The following ADGRV1 variants were observed in gnomAD, a reference collection of about 807,000 sequenced individuals.
ADGRV1 encodes adhesion G protein-coupled receptor V1, also known as G-protein coupled receptor 98.
ADGRV1 carries 359 observed loss-of-function variants against 596.2 expected under a neutral mutation model. The observed-to-expected ratio is 0.60, with a 90% CI of 0.55 to 0.66. The LOEUF is 0.66. Among genes scored for constraint, ADGRV1 ranks in the 30% least tolerant of loss-of-function variants. ADGRV1 has a pLI of 0.00. For synonymous variants in ADGRV1, 2,681 were observed against 2,679.2 expected, an observed-to-expected ratio of 1.00 and a Z score of -0.02; for missense variants, 7,274 against 7,575.6, an observed-to-expected ratio of 0.96 and a Z score of 1.48.
intron 83 of ADGRV1, among the ~76,000 whole-genome samples, chr5:90,945,767 C>G (rs1039144673): frequency 2.5e-4 from 38 of 152,126 alleles, no homozygotes; most frequent in African/African-American, 8.9e-4. Context: ...AGATAGATCA[C>G]TTGAGCCCAG....
At chr5:90,971,116 T>C (rs1778933109) in intron 84 of ADGRV1, among the ~76,000 whole-genome samples, 2 of 151,974 alleles carry the variant, frequency 1.3e-5, no homozygotes, top group Non-Finnish European at 1.5e-5. Context: ...TGATGGAAGA[T>C]GAAATGAATG....
intron 84 of ADGRV1, among the ~76,000 whole-genome samples, chr5:90,984,087 A>G (rs893676853): frequency 2.6e-5 from 4 of 152,220 alleles, no homozygotes; most frequent in Admixed American, 2.6e-4. Context: ...TACATGTAAC[A>G]TCTCATTTAA....
rs149781112 is a variant in ADGRV1 at position 90,990,094 on chromosome 5, A to G, written c.18152+4572A>G. 2.7e-3 allele frequency among the ~76,000 whole-genome samples: 413 copies of G among 152,328 alleles called. 20 individuals carry two copies. The East Asian group carries it at 0.068, about 25-fold the overall frequency. ...CGGCCTCCCAAAGCGCTGGGATTAC[A>G]GGCGTGAGCCACTGCGCCCAGCCAT... On this transcript the variant is annotated intron_variant, in intron 85 of 89. Coordinates refer to ENST00000405460, the MANE Select transcript of ADGRV1 (RefSeq NM_032119.4).
intron 87 of ADGRV1, among the ~76,000 whole-genome samples, chr5:91,125,945 C>G (rs1182836230): frequency 1.3e-5 from 2 of 152,134 alleles, no homozygotes; most frequent in African/African-American, 4.8e-5. Flanking sequence ...TGTTTCAAAC[C>G]TTACCTTTCT....
intron 85 of ADGRV1, among the ~76,000 whole-genome samples, chr5:91,054,069 G>A (rs1405362202): frequency 7.5e-6 from 1 of 132,964 alleles, no homozygotes; most frequent in South Asian, 2.5e-4. Flanking sequence ...CTCTGTGTGT[G>A]TTTGTGTGTG....
intron 85 of ADGRV1, among the ~76,000 whole-genome samples, chr5:91,019,339 A>C (rs1324210287): frequency 2.6e-5 from 4 of 152,044 alleles, no homozygotes; most frequent in Admixed American, 2.0e-4. Context: ...GGAAAGTAGC[A>C]GTGGGCTTTT....
At chr5:90,701,951 T>C (rs952765477) in intron 34 of ADGRV1, among the ~76,000 whole-genome samples, 13 of 150,146 alleles carry the variant, frequency 8.7e-5, no homozygotes, top group African/African-American at 2.9e-4. Flanking sequence ...AGTACTTCAT[T>C]AAACTTCCAT....
At chr5:90,579,128 TA>T (rs1265326778) in intron 1 of ADGRV1, among the ~76,000 whole-genome samples, 3 of 152,224 alleles carry the variant, frequency 2.0e-5, no homozygotes, top group Non-Finnish European at 4.4e-5. Flanking sequence ...TGATCTTAGT[TA>T]TTTCTTGCCT....
intron 75 of ADGRV1, among the ~76,000 whole-genome samples, chr5:90,821,520 T>C (rs1763503194): frequency 1.3e-5 from 2 of 151,114 alleles, no homozygotes; most frequent in South Asian, 4.2e-4. Flanking sequence ...AGTTTTTCTG[T>C]TCTGTTTTTT....
intron 1 of ADGRV1, among the ~76,000 whole-genome samples, chr5:90,596,918 C>G (rs530584283): frequency 1.3e-5 from 2 of 152,228 alleles, no homozygotes; most frequent in African/African-American, 2.4e-5. Flanking sequence ...AAACACACTT[C>G]TTAAAACAAA....
At chr5:91,077,125 C>G (rs1788928799) in intron 86 of ADGRV1, among the ~76,000 whole-genome samples, 1 of 152,134 alleles carries the variant, frequency 6.6e-6, no homozygotes, top group African/African-American at 2.4e-5. Flanking sequence ...ACTGTATATA[C>G]AGAATAGCCA....
chr5:90,887,065 A>G lies in ADGRV1; in HGVS notation c.17856+23208A>G, dbSNP rs114036792. On this transcript the variant is annotated intron_variant, in intron 83 of 89. Coordinates refer to ENST00000405460, the MANE Select transcript of ADGRV1 (RefSeq NM_032119.4). ...TTTAAAGATGTCATGCGTGTCCTCT[A>G]TTGATACCCTTTTACAGCTTTCCAC... 3.3e-3 allele frequency among the ~76,000 whole-genome samples: 497 copies of G among 152,234 alleles called. 3 individuals are homozygous for G. Among genetic ancestry groups the G allele is most frequent in the African/African-American group, 0.011 (477 of 41,526 alleles).
chr5:91,074,211 T>G (rs1426794552), intron 86 of ADGRV1, among the ~76,000 whole-genome samples: 1 of 152,190 alleles, frequency 6.6e-6, no homozygotes, highest in Non-Finnish European at 1.5e-5. Context: ...ATGTGCATGT[T>G]TATTATGTAG....
At chr5:91,031,116 C>G in intron 85 of ADGRV1, 3 of 1,362,040 alleles carry the variant, frequency 2.2e-6, no homozygotes, top group Non-Finnish European at 3.1e-6. Context: ...CTCTTGTACA[C>G]AAGTAAAAGA....
At chr5:91,151,754 TTTA>T (rs1350135579) in intron 88 of ADGRV1, among the ~76,000 whole-genome samples, 1 of 152,222 alleles carries the variant, frequency 6.6e-6, no homozygotes, top group African/African-American at 2.4e-5. Context: ...CTCACCACAT[TTTA>T]AGTGCTCAAC....
rs534995065 is a variant in ADGRV1, at chr5:90,576,237, GT to G, written c.22+17323del. 1.7e-4 allele frequency among the ~76,000 whole-genome samples: 26 copies of G among 152,082 alleles called. No homozygotes were observed. The East Asian group carries it at 4.8e-3, about 28-fold the overall frequency. ...CATCAACCCGTCATTTACATTAGGT[GT>G]TTCTCCTAATGCTATCCCTCCCCCA... On this transcript the variant is annotated intron_variant, in intron 1 of 89. Coordinates refer to ENST00000405460, the MANE Select transcript of ADGRV1 (RefSeq NM_032119.4).
rs182717533 is a variant in ADGRV1 at position 90,593,656 on chromosome 5, G to T, written c.23-21179G>T. ...ACAGTGTACGCTGCTTGGGTGAGGG[G>T]TGTATCAAAATCTTAGAAATCCCAC... On this transcript the variant is annotated intron_variant, in intron 1 of 89. Coordinates refer to ENST00000405460, the MANE Select transcript of ADGRV1 (RefSeq NM_032119.4). 5.3e-5 allele frequency among the ~76,000 whole-genome samples: 8 copies of T among 152,082 alleles called. No homozygotes were observed. The East Asian group carries it at 1.5e-3, about 29-fold the overall frequency.
At chr5:91,135,556 C>A (rs1334460364) in intron 87 of ADGRV1, among the ~76,000 whole-genome samples, 1 of 152,166 alleles carries the variant, frequency 6.6e-6, no homozygotes, top group Non-Finnish European at 1.5e-5. Flanking sequence ...CATTTCGACC[C>A]ATTTCTTAGT....
chr5:90,689,892 G>A lies in ADGRV1; in HGVS notation c.6522G>A (p.Val2174=). The A allele has an allele frequency of 3.1e-6, 5 of 1,612,866 alleles. No individual in the cohort carries two copies. Among genetic ancestry groups the A allele is most frequent in the South Asian group, 2.2e-5 (2 of 90,946 alleles). Residue 2174 remains valine, a synonymous_variant, in exon 30 of 90, where the codon GTG becomes GTA. Coordinates refer to ENST00000405460, the MANE Select transcript of ADGRV1 (RefSeq NM_032119.4). ...ATTATAGTATAGCTTCATCAGATGTGGTCTTGCTAGAAGGGGAAACCAGTA... is the reference window on the plus strand; with the variant it reads ...ATTATAGTATAGCTTCATCAGATGTAGTCTTGCTAGAAGGGGAAACCAGTA... ...GEDYSIASSD[V]VLLEGETSKA...
Sources: gnomAD v4.1 joint callset for allele counts (sites outside exome capture counted in the v4.1 genomes callset) on GRCh38, gnomAD v4.1.1 for gene constraint, MANE v1.5 for transcripts, NCBI Gene and HGNC (gene_info 2026-07-23, HGNC 2026-07-21) for gene names.